Variants in STAT5B observed in about 807,000 individuals in gnomAD.
STAT5B encodes the protein transcription factor STAT5B.
STAT5B carries 21 observed loss-of-function variants against 107.8 expected under a neutral mutation model. The observed-to-expected ratio is 0.19, with a 90% confidence interval of 0.14 to 0.28. The LOEUF is 0.28. Among genes scored for constraint, STAT5B ranks in the 10% least tolerant of loss-of-function variants. STAT5B has a pLI of 1.00. For synonymous variants in STAT5B, 325 were observed against 401.7 expected, an observed-to-expected ratio of 0.81 and a Z score of 2.28; for missense variants, 565 against 1,008.2, an observed-to-expected ratio of 0.56 and a Z score of 5.95.
intron 3 of STAT5B, among the ~76,000 whole-genome samples, chr17:42,226,340 G>A (rs1163534669): frequency 1.3e-5 from 2 of 152,196 alleles, no homozygotes; most frequent in African/African-American, 4.8e-5. Context: ...GATGCAATAT[G>A]TGATCTTGGG....
At position 42,227,459 on chromosome 17, in the gene STAT5B, A is replaced by T. The variant is rs1297780170; in HGVS notation, c.285+70T>A. 4 of 1,596,878 alleles carry T rather than the reference A, an allele frequency of 2.5e-6. No individual in the cohort carries two copies. The African/African-American group carries it at 6.1e-5, about 24-fold the overall frequency. On this transcript the variant is annotated intron_variant, in intron 3 of 18. Transcript: ENST00000293328. The stretch of plus-strand genomic sequence containing the variant: ...CAACAATGCTGGACTGAAGGAGAGA[A>T]AGAAAGTCTCTACAGGAAGAAGACC...
intron 1 of STAT5B, among the ~76,000 whole-genome samples, chr17:42,236,396 G>C (rs919030735): frequency 3.3e-5 from 5 of 152,214 alleles, no homozygotes; most frequent in Non-Finnish European, 7.3e-5. Flanking sequence ...AAAACCAACT[G>C]TTCTCCCAGT....
rs968672719 is a variant in STAT5B, at chr17:42,218,842, C to T, written c.870G>A (p.Arg290=). 1.2e-6 allele frequency: 2 copies of T among 1,613,668 alleles called. No homozygotes were observed. The highest frequency in any genetic ancestry group is 1.7e-5 in the Admixed American group (1 of 60,008). ...GGTGCTCAGCCCTGCGGATCTGCTGCCGGTTCTGCCAGATGATCTCGGCCA... is the reference window on the plus strand; with the variant it reads ...GGTGCTCAGCCCTGCGGATCTGCTGTCGGTTCTGCCAGATGATCTCGGCCA... ...EKLAEIIWQN[R]QQIRRAEHLC... is the part of the protein sequence containing the mutation. Residue 290 remains arginine (R), a synonymous_variant, in exon 8 of 19, where the codon CGG becomes CGA. Coordinates refer to ENST00000293328, the MANE Select transcript of STAT5B (RefSeq NM_012448.4).
chr17:42,224,945 C>G (rs543041300), intron 3 of STAT5B, 77 bp from the exon 4 acceptor site: 5 of 1,470,310 alleles, frequency 3.4e-6, no homozygotes, highest in Non-Finnish European at 3.8e-6. Context: ...GGATGGGGAG[C>G]CTCCTGAGGG....
In STAT5B at chr17:42,201,820, T is replaced by C. The variant is rs779876449; in HGVS notation, c.2282A>G (p.Asp761Gly). ...LDTDGDFDLE[D>G]TMDVARRVEE... Reference sequence around the variant, plus strand: ...CACACGCCGCGCTACGTCCATTGTGTCCTCCAGATCGAAGTCCCCATCGGT... The same window carrying C: ...CACACGCCGCGCTACGTCCATTGTGCCCTCCAGATCGAAGTCCCCATCGGT... The change falls in exon 19 of 19, where the codon GAC becomes GGC. Residue 761 changes from aspartate to glycine, a missense_variant. Coordinates refer to ENST00000293328, the MANE Select transcript of STAT5B (RefSeq NM_012448.4). 6.2e-7 allele frequency: 1 copy of C among 1,613,790 alleles called. No homozygotes were observed. The highest frequency in any genetic ancestry group is 2.2e-5 in the East Asian group (1 of 44,872).
intron 1 of STAT5B, among the ~76,000 whole-genome samples, chr17:42,265,240 T>G (rs2080657648): frequency 6.6e-6 from 1 of 152,168 alleles, no homozygotes; most frequent in South Asian, 2.1e-4. Context: ...ATTTTGTCTT[T>G]TGTTGCCATC....
intron 1 of STAT5B, chr17:42,274,949 A>C (rs1329001975): frequency 3.3e-5 from 5 of 152,258 alleles, no homozygotes; most frequent in African/African-American, 1.2e-4. Context: ...AAATGACATA[A>C]GCCCAAGTAT....
chr17:42,227,689 G>A lies in STAT5B; in HGVS notation c.129-4C>T. ...ATTATCAAGATCTACTGAGTCCCTA[G>A]GGGAAAAAAATTACATAATCTGTAT... is the stretch of plus-strand genomic sequence containing the variant. On this transcript the variant is annotated splice_polypyrimidine_tract_variant and splice_region_variant and intron_variant, in intron 2 of 18. Coordinates refer to ENST00000293328, the MANE Select transcript of STAT5B (RefSeq NM_012448.4). The A allele has an allele frequency of 1.1e-5, 18 of 1,613,902 alleles. No homozygotes were observed. Among genetic ancestry groups the A allele is most frequent in the Non-Finnish European group, 1.4e-5 (17 of 1,179,962 alleles).
chr17:42,226,841 GGGA>G (rs1406057041), intron 3 of STAT5B, among the ~76,000 whole-genome samples: 1 of 149,116 alleles, frequency 6.7e-6, no homozygotes, highest in African/African-American at 2.5e-5. Flanking sequence ...AATGCACAGA[GGGA>G]CCGGGCATAG....
At chr17:42,201,950 C>G in intron 18 of STAT5B, 86 bp from the exon 19 acceptor site, 3 of 1,316,396 alleles carry the variant, frequency 2.3e-6, no homozygotes, top group Non-Finnish European at 3.2e-6. Flanking sequence ...GGGGAGCAGT[C>G]TGAGCCAGCC....
intron 13 of STAT5B, among the ~76,000 whole-genome samples, chr17:42,211,764 T>TA (rs1370844576): frequency 2.0e-5 from 3 of 152,226 alleles, no homozygotes. Context: ...GAAAATGCAT[T>TA]AACTGTAGAC....
chr17:42,235,139 C>A (rs961130020), intron 1 of STAT5B: 1 of 152,144 alleles, frequency 6.6e-6, no homozygotes, highest in African/African-American at 2.4e-5. Flanking sequence ...CCTTCCCAGC[C>A]CACTCAAATA....
intron 1 of STAT5B, among the ~76,000 whole-genome samples, chr17:42,253,218 G>A (rs1443416033): frequency 6.6e-6 from 1 of 152,038 alleles, no homozygotes; most frequent in Non-Finnish European, 1.5e-5. Context: ...AGCCACCTTT[G>A]ACTACAGACT....
intron 17 of STAT5B, 97 bp downstream of exon 17, chr17:42,202,660 G>T (rs577663080): frequency 6.3e-7 from 1 of 1,594,958 alleles, no homozygotes. Flanking sequence ...CAGTTTCCCC[G>T]GGGGAGCGGA....
chr17:42,208,546 G>C (rs116741448), intron 15 of STAT5B, among the ~76,000 whole-genome samples: 2,087 of 151,924 alleles, frequency 0.014, 48 homozygotes, highest in African/African-American at 0.048. Context: ...TAGATAAGCA[G>C]GTAATACAAA....
intron 1 of STAT5B, among the ~76,000 whole-genome samples, chr17:42,274,398 G>C (rs2080747690): frequency 6.6e-6 from 1 of 150,512 alleles, no homozygotes; most frequent in Non-Finnish European, 1.5e-5. Flanking sequence ...CCTAGATAAC[G>C]CGCTTACCTG....
intron 1 of STAT5B, among the ~76,000 whole-genome samples, chr17:42,274,177 G>A (rs1446837509): frequency 6.7e-6 from 1 of 149,912 alleles, no homozygotes; most frequent in African/African-American, 2.5e-5. Context: ...TACCTAGTTG[G>A]GTATATAGCA....
Position 42,244,995 on chromosome 17 carries a change from G to A in STAT5B, c.-10-12858C>T, listed in dbSNP as rs1164786311. Among the ~76,000 whole-genome samples, 4 of 151,242 alleles carry A rather than the reference G, an allele frequency of 2.6e-5. No individual in the cohort carries two copies. In the East Asian group the frequency reaches 5.8e-4, roughly 22 times the overall value. ...TGGCTCACTGCAACCCCCACCGCTC[G>A]TGTTCAACCAATTCTCTTGTCTCAG... On this transcript the variant is annotated intron_variant, in intron 1 of 18. Coordinates refer to ENST00000293328, the MANE Select transcript of STAT5B (RefSeq NM_012448.4).
chr17:42,234,217 C>T (rs2080339987), intron 1 of STAT5B: 1 of 152,178 alleles, frequency 6.6e-6, no homozygotes, highest in African/African-American at 2.4e-5. Context: ...TAACACTGGG[C>T]TATTTATGGG....
Sources: allele counts gnomAD v4.1 joint callset (sites outside exome capture counted in the v4.1 genomes callset), GRCh38; gene constraint gnomAD v4.1.1; transcripts MANE v1.5; gene names NCBI Gene and HGNC (gene_info 2026-07-23, HGNC 2026-07-21).